Variants in NRXN1 observed in about 807,000 individuals in gnomAD.
The protein encoded by NRXN1 is neurexin 1, also known as neurexin-1.
NRXN1 carries 39 observed loss-of-function variants against 150.9 expected under a neutral mutation model. The observed-to-expected ratio is 0.26, with a 90% CI of 0.20 to 0.34. NRXN1 has a LOEUF of 0.34. NRXN1 is among the 10% of genes least tolerant of loss of function. The probability of loss-of-function intolerance (pLI) is 1.00; values close to 1 mark genes in which losing one functional copy is unlikely to be tolerated. For synonymous variants in NRXN1, 924 were observed against 757.0 expected, an observed-to-expected ratio of 1.22 and a Z score of -3.62; for missense variants, 1,815 against 1,949.9, an observed-to-expected ratio of 0.93 and a Z score of 1.30.
At chr2:50,577,255 GCA>G (rs1230342360) in intron 8 of NRXN1, among the ~76,000 whole-genome samples, 1 of 151,516 alleles carries the variant, frequency 6.6e-6, no homozygotes, top group Non-Finnish European at 1.5e-5. Flanking sequence ...CCTGTTACTG[GCA>G]CAAATAAAAT....
At chr2:50,795,673 C>T (rs187377766) in intron 5 of NRXN1, among the ~76,000 whole-genome samples, 12 of 152,042 alleles carry the variant, frequency 7.9e-5, no homozygotes, top group Non-Finnish European at 1.5e-4. Context: ...TCTGATTTAC[C>T]CCAGTTGATA....
rs1158023677 is a variant in NRXN1 at position 49,921,211 on chromosome 2, CATA to C, written c.*730_*732del. 2 of 152,554 alleles carry C rather than the reference CATA, an allele frequency of 1.3e-5. No homozygotes were observed. Among genetic ancestry groups the C allele is most frequent in the Non-Finnish European group, 2.9e-5 (2 of 68,032 alleles). 9.5% of individuals were successfully genotyped at this position (152,554 alleles called of 1,614,324 possible). ...GATTTTATATAAACATATGTAATAA[CATA>C]ATAAGCGTGCATGAAAATTTCCCAA... On this transcript the variant is annotated 3_prime_UTR_variant, in exon 23 of 23. Coordinates refer to ENST00000401669, the MANE Select transcript of NRXN1 (RefSeq NM_001330078.2).
At chr2:50,985,662 A>AC (rs1575131502) in intron 2 of NRXN1, among the ~76,000 whole-genome samples, 1 of 151,860 alleles carries the variant, frequency 6.6e-6, no homozygotes, top group East Asian at 1.9e-4. Context: ...TCAAATAAAA[A>AC]GATAAACATA....
intron 17 of NRXN1, among the ~76,000 whole-genome samples, chr2:50,275,625 C>A (rs1574877687): frequency 6.6e-6 from 1 of 152,050 alleles, no homozygotes; most frequent in South Asian, 2.1e-4. Flanking sequence ...TTGTCTAACA[C>A]AGTAACACTT....
rs554328118 is a variant in NRXN1, at chr2:50,292,223, A to G, written c.3365-55253T>C. On this transcript the variant is annotated intron_variant, in intron 17 of 22. Transcript: ENST00000401669. ...GAATAATATTTTGTGACATATGACA[A>G]CTATATAAAATTGACATTTCACTGT... Among the ~76,000 whole-genome samples the G allele has an allele frequency of 1.4e-4, 22 of 152,310 alleles. No homozygotes were observed. In the East Asian group the frequency reaches 2.5e-3, roughly 17 times the overall value.
intron 18 of NRXN1, among the ~76,000 whole-genome samples, chr2:50,108,571 A>C (rs1371220700): frequency 2.0e-5 from 3 of 152,116 alleles, no homozygotes; most frequent in Non-Finnish European, 4.4e-5. Context: ...AACATGCATC[A>C]TTAGGACAAA....
intron 17 of NRXN1, among the ~76,000 whole-genome samples, chr2:50,387,281 T>A (rs2081388959): frequency 6.6e-6 from 1 of 152,152 alleles, no homozygotes; most frequent in Non-Finnish European, 1.5e-5. Flanking sequence ...GTTTAAAATA[T>A]ATCCCATTTA....
chr2:50,727,567 A>G (rs192572256), intron 5 of NRXN1, among the ~76,000 whole-genome samples: 85 of 152,304 alleles, frequency 5.6e-4, no homozygotes, highest in Non-Finnish European at 1.1e-3. Flanking sequence ...ATCACTCTTT[A>G]TATTTTAAAA....
Position 51,007,451 on chromosome 2 carries a change from G to T in NRXN1, c.772+20051C>A, listed in dbSNP as rs183218284. 1.3e-4 allele frequency among the ~76,000 whole-genome samples: 20 copies of T among 151,984 alleles called. No individual in the cohort carries two copies. The East Asian group carries it at 3.9e-3, about 30-fold the overall frequency. ...CTTATGAGTTACTTATGAAAACAAT[G>T]TTAACATAAGTTACTCGAAGTGTTA... On this transcript the variant is annotated intron_variant, in intron 2 of 22. Transcript: ENST00000401669.
intron 2 of NRXN1, among the ~76,000 whole-genome samples, chr2:50,958,004 A>G (rs1384498654): frequency 1.3e-5 from 2 of 152,102 alleles, no homozygotes; most frequent in Non-Finnish European, 2.9e-5. Flanking sequence ...TGTCTAAGGA[A>G]GTAAGTTGCA....
chr2:50,908,777 G>T (rs901764675), intron 5 of NRXN1, among the ~76,000 whole-genome samples: 2 of 151,938 alleles, frequency 1.3e-5, no homozygotes, highest in East Asian at 3.9e-4. Flanking sequence ...ATTAGATAAG[G>T]TCATCAGTAT....
chr2:50,011,083 A>G (rs1235264088), intron 21 of NRXN1, among the ~76,000 whole-genome samples: 1 of 152,158 alleles, frequency 6.6e-6, no homozygotes, highest in Non-Finnish European at 1.5e-5. Flanking sequence ...CTTTGTATAG[A>G]AGTAAATAGC....
At chr2:50,382,353 G>A (rs2081032736) in intron 17 of NRXN1, among the ~76,000 whole-genome samples, 1 of 152,118 alleles carries the variant, frequency 6.6e-6, no homozygotes, top group African/African-American at 2.4e-5. Flanking sequence ...AGTGTCAAGT[G>A]AGAAATAACA....
chr2:50,773,732 A>C (rs1404784211), intron 5 of NRXN1, among the ~76,000 whole-genome samples: 4 of 152,144 alleles, frequency 2.6e-5, no homozygotes, highest in Non-Finnish European at 5.9e-5. Context: ...GGGATGGCAG[A>C]AGCAATGAAA....
intron 18 of NRXN1, among the ~76,000 whole-genome samples, chr2:50,094,428 T>A (rs977919821): frequency 6.6e-6 from 1 of 152,188 alleles, no homozygotes; most frequent in Non-Finnish European, 1.5e-5. Flanking sequence ...TGCTTTTCCC[T>A]ATCTCAAGTG....
intron 17 of NRXN1, among the ~76,000 whole-genome samples, chr2:50,425,587 T>C (rs2084412143): frequency 6.6e-6 from 1 of 152,238 alleles, no homozygotes; most frequent in South Asian, 2.1e-4. Context: ...ATGTACATCT[T>C]GATCTTTGTA....
intron 17 of NRXN1, among the ~76,000 whole-genome samples, chr2:50,351,543 A>G (rs557922195): frequency 4.6e-5 from 7 of 152,282 alleles, no homozygotes; most frequent in South Asian, 4.1e-4. Context: ...AGATGCGTGA[A>G]TTAACTAAAT....
intron 5 of NRXN1, among the ~76,000 whole-genome samples, chr2:50,634,091 G>A (rs1299352921): frequency 6.6e-6 from 1 of 152,180 alleles, no homozygotes; most frequent in Non-Finnish European, 1.5e-5. Flanking sequence ...GCTGTGGGAT[G>A]GGGCTATGTC....
At chr2:50,573,979 T>TCCCCCTGAC (rs745495615) in intron 8 of NRXN1, among the ~76,000 whole-genome samples, 120 of 152,148 alleles carry the variant, frequency 7.9e-4, no homozygotes, top group South Asian at 1.7e-3. Flanking sequence ...ATGGAACCAA[T>TCCCCCTGAC]CCCCCTCAGA....
Sources: gnomAD v4.1 joint callset for allele counts (sites outside exome capture counted in the v4.1 genomes callset) on GRCh38, gnomAD v4.1.1 for gene constraint, MANE v1.5 for transcripts, NCBI Gene and HGNC (gene_info 2026-07-23, HGNC 2026-07-21) for gene names.